Variants in WASF2 observed in about 807,000 individuals in gnomAD.
The protein encoded by WASF2 is actin-binding protein WASF2.
Under a neutral mutation model 45.0 loss-of-function variants are expected in WASF2, and 14 were observed. The observed-to-expected ratio is 0.31, with a 90% CI of 0.21 to 0.49. The LOEUF is 0.49. WASF2 is among the 20% of genes least tolerant of loss of function. The pLI is 0.99. For synonymous variants in WASF2, 200 were observed against 236.3 expected (o/e 0.85, Z 1.41); for missense variants, 439 against 636.1 (o/e 0.69, Z 3.33).
intron 2 of WASF2, among the ~76,000 whole-genome samples, chr1:27,425,838 CA>C (rs57916899): frequency 5.5e-4 from 28 of 50,600 alleles, no homozygotes; most frequent in African/African-American, 1.8e-3. Context: ...GACTCCGTCT[CA>C]AAAAAAAAAA....
At position 27,414,897 on chromosome 1, in the gene WASF2, C is replaced by G. The variant is rs1463705724; in HGVS notation, c.604G>C (p.Glu202Gln). ...TGCCCCATCTTCATTTTCTCCCACT[C>G]TTCCTTACGTGTCTTGATTTTACGT... is the stretch of plus-strand genomic sequence containing the variant. ...NPRKIKTRKE[E>Q]WEKMKMGQEF... The change falls in exon 6 of 9, where the codon GAG becomes CAG. Residue 202 changes from glutamate (E) to glutamine (Q), a missense_variant. Transcript: ENST00000618852. The surrounding 1 kb of genome is among the most constrained non-coding windows in gnomAD (Gnocchi z 4.1). 1 of 1,614,130 alleles carries G rather than the reference C, an allele frequency of 6.2e-7. No individual in the cohort carries two copies. The highest frequency in any genetic ancestry group is 2.2e-5 in the East Asian group (1 of 44,904).
At chr1:27,424,530 A>AT (rs55717236) in intron 2 of WASF2, among the ~76,000 whole-genome samples, 86,496 of 149,646 alleles carry the variant, frequency 0.58, 25,813 homozygotes, top group Admixed American at 0.72. Context: ...ACCTTCAACA[A>AT]TTTTTTTTTT....
intron 2 of WASF2, among the ~76,000 whole-genome samples, chr1:27,424,287 A>G (rs2016947392): frequency 6.6e-6 from 1 of 152,162 alleles, no homozygotes; most frequent in South Asian, 2.1e-4. Context: ...TCAAGGTCCC[A>G]TTCAAATGTA....
chr1:27,440,856 C>A (rs899337729), intron 1 of WASF2, among the ~76,000 whole-genome samples: 60 of 152,124 alleles, frequency 3.9e-4, no homozygotes, highest in African/African-American at 1.4e-3. Context: ...ACAGTGGTCC[C>A]ATAAGATCAT....
At chr1:27,422,618 CAAAAAA>C (rs782035111) in intron 2 of WASF2, among the ~76,000 whole-genome samples, 17 of 128,854 alleles carry the variant, frequency 1.3e-4, no homozygotes, top group Admixed American at 1.2e-3. Flanking sequence ...GACTCCGTCT[CAAAAAA>C]AAAAAAAAAA....
At position 27,414,167 on chromosome 1, in the gene WASF2, AGGTCAGACACCAG is replaced by A. The variant is rs2016798751; in HGVS notation, c.668+653_668+665del. On this transcript the variant is annotated intron_variant, in intron 6 of 8. Coordinates refer to ENST00000618852, the MANE Select transcript of WASF2 (RefSeq NM_006990.5). This position sits in a 1 kb window ranked among gnomAD's most constrained non-coding sequence, Gnocchi z 4.1. ...GGTGACTTGGCTTTGAATGTCAACC[AGGTCAGACACCAG>A]GATAAGCATCAAACCAAGCTTTAAA... is the stretch of plus-strand genomic sequence containing the variant. 1.3e-5 allele frequency among the ~76,000 whole-genome samples: 2 copies of A among 152,224 alleles called. No individual in the cohort carries two copies. Among genetic ancestry groups the A allele is most frequent in the African/African-American group, 4.8e-5 (2 of 41,460 alleles).
intron 1 of WASF2, among the ~76,000 whole-genome samples, chr1:27,477,650 A>G (rs1206923050): frequency 1.9e-5 from 2 of 104,612 alleles, no homozygotes; most frequent in Admixed American, 1.6e-4. Flanking sequence ...CTGTAATCCC[A>G]GCACTTTGGG....
intron 1 of WASF2, among the ~76,000 whole-genome samples, chr1:27,443,840 G>C (rs534495324): frequency 1.3e-3 from 203 of 152,052 alleles, no homozygotes; most frequent in African/African-American, 3.4e-3. Flanking sequence ...GTGCAGGGGG[G>C]GGTGATCTCA....
chr1:27,446,784 A>G (rs1482195599), intron 1 of WASF2, among the ~76,000 whole-genome samples: 1 of 146,256 alleles, frequency 6.8e-6, no homozygotes, highest in African/African-American at 2.5e-5. Flanking sequence ...CTGTCTCCAA[A>G]AAAAAAAAAA....
At chr1:27,434,194 C>T (rs967522998) in intron 1 of WASF2, among the ~76,000 whole-genome samples, 7 of 152,182 alleles carry the variant, frequency 4.6e-5, no homozygotes, top group Non-Finnish European at 1.0e-4. Context: ...AGTTCTCCAG[C>T]CCTGTGCTCT....
intron 1 of WASF2, among the ~76,000 whole-genome samples, chr1:27,465,339 C>G (rs988644303): frequency 1.3e-5 from 2 of 152,176 alleles, no homozygotes; most frequent in African/African-American, 4.8e-5. Context: ...AATTTACATA[C>G]AATTAAAGTT....
chr1:27,483,384 C>T (rs1248400947), intron 1 of WASF2, among the ~76,000 whole-genome samples: 1 of 151,956 alleles, frequency 6.6e-6, no homozygotes, highest in Admixed American at 6.6e-5. Flanking sequence ...GCAGGAGACT[C>T]GCCCTGAACC....
chr1:27,456,168 A>G (rs927594864), intron 1 of WASF2, among the ~76,000 whole-genome samples: 4 of 151,944 alleles, frequency 2.6e-5, no homozygotes, highest in Non-Finnish European at 5.9e-5. Flanking sequence ...TAAAAATACA[A>G]AAAATTAGCC....
chr1:27,472,051 G>A (rs558581930), intron 1 of WASF2, among the ~76,000 whole-genome samples: 1 of 152,222 alleles, frequency 6.6e-6, no homozygotes, highest in Non-Finnish European at 1.5e-5. Context: ...TGGAAATCAG[G>A]GCCAGGCGCG....
intron 1 of WASF2, among the ~76,000 whole-genome samples, chr1:27,468,809 G>A (rs1052332374): frequency 2.6e-5 from 4 of 151,234 alleles, no homozygotes; most frequent in African/African-American, 4.9e-5. Flanking sequence ...GTGAAACCCC[G>A]TCTCTACTAA....
intron 1 of WASF2, among the ~76,000 whole-genome samples, chr1:27,459,870 G>C (rs1404706537): frequency 2.0e-5 from 3 of 152,318 alleles, no homozygotes; most frequent in Middle Eastern, 3.4e-3. Context: ...ATCCACAATA[G>C]ATTCTATTAG....
At chr1:27,468,855 G>A (rs1348854451) in intron 1 of WASF2, among the ~76,000 whole-genome samples, 3 of 149,144 alleles carry the variant, frequency 2.0e-5, no homozygotes, top group Non-Finnish European at 3.0e-5. Context: ...TGGTGGAGGC[G>A]GAGGTTGCAA....
At position 27,407,091 on chromosome 1, in the gene WASF2, C is replaced by A. The variant is rs1015020315; in HGVS notation, c.*1098G>T. On this transcript the variant is annotated 3_prime_UTR_variant, in exon 9 of 9. Coordinates refer to ENST00000618852, the MANE Select transcript of WASF2 (RefSeq NM_006990.5). ...GAAGGTCTGAGCAGCACCGACAGGG[C>A]TGGCACAGACCCTGAGCCTTCCTAC... The A allele has an allele frequency of 1.3e-5, 2 of 152,302 alleles. No homozygotes were observed. The highest frequency in any genetic ancestry group is 4.8e-5 in the African/African-American group (2 of 41,442). 9.4% of individuals were successfully genotyped at this position (152,302 alleles called of 1,614,324 possible). A position where few individuals can be genotyped will look rare whatever the true frequency, so the allele number is the denominator to read the frequency against.
chr1:27,418,880 T>TA, intron 3 of WASF2, 74 bp downstream of exon 3: 1 of 1,501,140 alleles, frequency 6.7e-7, no homozygotes, highest in Non-Finnish European at 9.0e-7. Flanking sequence ...TTTTTTTTTT[T>TA]AAATAAATCA....
Sources: gnomAD v4.1 joint callset for allele counts (sites outside exome capture counted in the v4.1 genomes callset) on GRCh38, gnomAD v4.1.1 for gene constraint, Gnocchi (gnomAD v3.1) non-coding constraint, MANE v1.5 for transcripts, NCBI Gene and HGNC (gene_info 2026-07-23, HGNC 2026-07-21) for gene names.